Variants in CA10 observed in about 807,000 individuals in gnomAD.
CA10 encodes carbonic anhydrase 10 (inactive), also known as carbonic anhydrase-related protein 10.
In CA10, 14 loss-of-function variants were observed where a neutral mutation model predicts 44.2. That is an observed-to-expected ratio of 0.32 (90% CI 0.21 to 0.50). CA10 has a LOEUF of 0.50. Among genes scored for constraint, CA10 ranks in the 20% least tolerant of loss-of-function variants. CA10 has a pLI of 0.99. For synonymous variants in CA10, 159 were observed against 141.6 expected (o/e 1.12, Z -0.87); for missense variants, 350 against 409.7 (o/e 0.85, Z 1.26).
At chr17:51,798,885 C>G (rs145772832) in intron 3 of CA10, among the ~76,000 whole-genome samples, 24 of 152,322 alleles carry the variant, frequency 1.6e-4, no homozygotes, top group African/African-American at 5.8e-4. Context: ...TTTATGCCAA[C>G]TCTGCGCATC....
intron 8 of CA10, among the ~76,000 whole-genome samples, chr17:51,632,431 A>C (rs545404689): frequency 6.6e-6 from 1 of 152,300 alleles, no homozygotes; most frequent in African/African-American, 2.4e-5. Context: ...AGAGAGAAAA[A>C]AGAAGGGAAC....
At chr17:52,084,455 C>CCA (rs10639209) in intron 1 of CA10, among the ~76,000 whole-genome samples, 151,532 of 152,246 alleles carry the variant, frequency 1, 75,411 homozygotes, top group African/African-American at 1. Context: ...TCTGGGCTTT[C>CCA]CACAAGCCAA....
chr17:51,647,380 C>T (rs1024356957), intron 6 of CA10, among the ~76,000 whole-genome samples: 1 of 152,152 alleles, frequency 6.6e-6, no homozygotes, highest in Admixed American at 6.5e-5. Flanking sequence ...AGGTTTTGTG[C>T]ATGTGGCTCC....
intron 1 of CA10, among the ~76,000 whole-genome samples, chr17:52,114,055 G>C (rs1988840682): frequency 6.6e-6 from 1 of 152,222 alleles, no homozygotes; most frequent in Non-Finnish European, 1.5e-5. Flanking sequence ...AGCCTCCCCA[G>C]AGTCAGTACG....
chr17:51,846,879 C>T (rs1978519068), intron 3 of CA10, among the ~76,000 whole-genome samples: 1 of 152,142 alleles, frequency 6.6e-6, no homozygotes, highest in East Asian at 1.9e-4. Flanking sequence ...GGTTAGGAAG[C>T]CAGTGGCTGA....
At chr17:51,859,769 A>T (rs1402104202) in intron 3 of CA10, among the ~76,000 whole-genome samples, 1 of 152,230 alleles carries the variant, frequency 6.6e-6, no homozygotes, top group Non-Finnish European at 1.5e-5. Flanking sequence ...AGGGCATTGT[A>T]AAGTATAAAG....
chr17:51,977,818 A>G (rs1283486344), intron 2 of CA10, among the ~76,000 whole-genome samples: 2 of 152,176 alleles, frequency 1.3e-5, no homozygotes, highest in African/African-American at 4.8e-5. Context: ...CTGTGAAACT[A>G]AAGTGAATTC....
chr17:51,657,916 G>A (rs1490106001), intron 4 of CA10, among the ~76,000 whole-genome samples: 3 of 152,248 alleles, frequency 2.0e-5, no homozygotes, highest in Non-Finnish European at 4.4e-5. Flanking sequence ...TCATTAAAGA[G>A]ATGCCTTGAG....
chr17:52,131,264 C>A (rs982465803), intron 1 of CA10, among the ~76,000 whole-genome samples: 3 of 152,142 alleles, frequency 2.0e-5, no homozygotes, highest in Admixed American at 2.0e-4. Context: ...TTGTTCCACC[C>A]TCTTCTAATA....
At chr17:51,952,418 A>G (rs1361832304) in intron 2 of CA10, among the ~76,000 whole-genome samples, 2 of 152,106 alleles carry the variant, frequency 1.3e-5, no homozygotes, top group Non-Finnish European at 2.9e-5. Context: ...GTAACTGCAC[A>G]CTGGCTCATG....
chr17:52,139,996 G>A (rs991233583), intron 1 of CA10, among the ~76,000 whole-genome samples: 3 of 152,068 alleles, frequency 2.0e-5, no homozygotes, highest in Non-Finnish European at 4.4e-5. Context: ...CTCTCAACAC[G>A]GTCTCTAGTG....
intron 4 of CA10, among the ~76,000 whole-genome samples, chr17:51,669,097 C>G (rs576298249): frequency 2.0e-5 from 3 of 152,214 alleles, no homozygotes; most frequent in Non-Finnish European, 4.4e-5. Context: ...TTGTGGTGCC[C>G]GGTCCCATCA....
chr17:51,845,679 G>C (rs1978461725), intron 3 of CA10, among the ~76,000 whole-genome samples: 1 of 152,230 alleles, frequency 6.6e-6, no homozygotes, highest in African/African-American at 2.4e-5. Flanking sequence ...CTAAGGCTCT[G>C]ATAACTTTTT....
At chr17:51,712,138 T>A (rs901623956) in intron 4 of CA10, among the ~76,000 whole-genome samples, 2 of 152,236 alleles carry the variant, frequency 1.3e-5, no homozygotes, top group African/African-American at 2.4e-5. Context: ...TAATGGGTCA[T>A]CAACAAATGT....
chr17:51,688,839 G>A (rs1010521903), intron 4 of CA10, among the ~76,000 whole-genome samples: 18 of 152,038 alleles, frequency 1.2e-4, no homozygotes, highest in African/African-American at 4.4e-4. Flanking sequence ...ATTACAATTA[G>A]TTACTGACAT....
At chr17:52,069,470 G>A (rs1228221017) in intron 2 of CA10, among the ~76,000 whole-genome samples, 1 of 152,128 alleles carries the variant, frequency 6.6e-6, no homozygotes, top group African/African-American at 2.4e-5. Flanking sequence ...GGTTTGAGCA[G>A]GTAAACAACA....
chr17:51,806,874 T>A (rs1324213480), intron 3 of CA10, among the ~76,000 whole-genome samples: 1 of 152,214 alleles, frequency 6.6e-6, no homozygotes, highest in Non-Finnish European at 1.5e-5. Flanking sequence ...AGGCATTATG[T>A]TATGTGGTGC....
At chr17:52,000,593 GCA>G (rs1985388512) in intron 2 of CA10, among the ~76,000 whole-genome samples, 1 of 152,046 alleles carries the variant, frequency 6.6e-6, no homozygotes, top group Non-Finnish European at 1.5e-5. Flanking sequence ...GAGGAAATAA[GCA>G]CAGAGTATAA....
intron 5 of CA10, among the ~76,000 whole-genome samples, chr17:51,652,062 C>T (rs933340421): frequency 5.3e-5 from 8 of 152,200 alleles, no homozygotes. Flanking sequence ...GTACTCCCTT[C>T]TTGCCCTCAC....
Sources: allele counts gnomAD v4.1 joint callset (sites outside exome capture counted in the v4.1 genomes callset), GRCh38; gene constraint gnomAD v4.1.1; transcripts MANE v1.5; gene names NCBI Gene and HGNC (gene_info 2026-07-23, HGNC 2026-07-21).